PCDH15: variants seen among roughly 807,000 people sequenced by gnomAD.
PCDH15 encodes protocadherin-15.
PCDH15 carries 129 observed loss-of-function variants against 178.5 expected under a neutral mutation model. The ratio of observed to expected loss-of-function variants is 0.72; its 90% CI spans 0.63 to 0.84. The LOEUF (loss-of-function observed/expected upper bound fraction) is 0.84, where lower values mean the gene tolerates loss of function less well. Ranked by LOEUF, PCDH15 falls within the 40% of genes least tolerant of loss-of-function variation. The pLI, the probability that PCDH15 is intolerant of heterozygous loss-of-function variation, is 0.00. For missense variants in PCDH15, 2,230 were observed against 2,099.9 expected, an observed-to-expected ratio of 1.06 and a Z score of -1.21; for synonymous variants, 800 against 732.0, an observed-to-expected ratio of 1.09 and a Z score of -1.50.
chr10:55,006,272 C>T (rs921891360), intron 2 of PCDH15, among the ~76,000 whole-genome samples: 24 of 151,990 alleles, frequency 1.6e-4, no homozygotes, highest in African/African-American at 4.1e-4. Context: ...CTTCTCCCAC[C>T]GCCAACCCCA....
chr10:54,595,233 A>G lies in PCDH15; in HGVS notation c.92-67356T>C, dbSNP rs79574143. ...GTTGTGACCAGCAGTCTGAGATCACATTGACCCCTCCAGTGCAGCAGGTTC... is the reference window on the plus strand; with the variant it reads ...GTTGTGACCAGCAGTCTGAGATCACGTTGACCCCTCCAGTGCAGCAGGTTC... On this transcript the variant is annotated intron_variant, in intron 2 of 37. Coordinates refer to ENST00000644397, the MANE Select transcript of PCDH15 (RefSeq NM_001384140.1). Among the ~76,000 whole-genome samples the G allele has an allele frequency of 3.1e-3, 476 of 152,272 alleles. 6 individuals are homozygous for G. The highest frequency in any genetic ancestry group is 0.024 in the South Asian group (117 of 4,832).
chr10:54,446,135 A>G (rs947805459), intron 3 of PCDH15, among the ~76,000 whole-genome samples: 17 of 151,648 alleles, frequency 1.1e-4, no homozygotes, highest in African/African-American at 3.9e-4. Flanking sequence ...GCATTTCCAA[A>G]AACAAACTAG....
rs538445083 is a variant in PCDH15, at chr10:54,401,634, T to C, written c.158-22692A>G. On this transcript the variant is annotated intron_variant, in intron 3 of 37. Transcript: ENST00000644397. The stretch of plus-strand genomic sequence containing the variant: ...ATGAATGAAAGAAATTACAGAAATC[T>C]AAACAAAGGTATAATCTATATTAAT... 6.6e-5 allele frequency among the ~76,000 whole-genome samples: 10 copies of C among 151,918 alleles called. No individual in the cohort carries two copies. In the South Asian group the frequency reaches 8.3e-4, roughly 13 times the overall value.
rs876657950 is a variant in PCDH15, at chr10:53,806,565, T to C, written c.*14A>G. On this transcript the variant is annotated 3_prime_UTR_variant, in exon 38 of 38. Coordinates refer to ENST00000644397, the MANE Select transcript of PCDH15 (RefSeq NM_001384140.1). Reference sequence around the variant, plus strand: ...GTAAGTAAAAATTAATTAAAATATCTTTTAAAAAATTGGTCACAGTTTTGT... The same window carrying C: ...GTAAGTAAAAATTAATTAAAATATCCTTTAAAAAATTGGTCACAGTTTTGT... 1.3e-6 allele frequency: 2 copies of C among 1,553,498 alleles called. No individual in the cohort carries two copies. The highest frequency in any genetic ancestry group is 1.7e-6 in the Non-Finnish European group (2 of 1,146,176).
At chr10:53,824,175 A>G (rs778680284) in intron 32 of PCDH15, among the ~76,000 whole-genome samples, 3 of 152,136 alleles carry the variant, frequency 2.0e-5, no homozygotes, top group Non-Finnish European at 2.9e-5. Context: ...GATATCACTG[A>G]AAGGCTTACT....
intron 28 of PCDH15, among the ~76,000 whole-genome samples, chr10:53,841,275 T>G (rs1160706055): frequency 1.3e-5 from 2 of 152,116 alleles, no homozygotes; most frequent in African/African-American, 4.8e-5. Flanking sequence ...AGCATATAAT[T>G]CAGTATTTAC....
chr10:54,008,722 T>A (rs2092468406), intron 20 of PCDH15, among the ~76,000 whole-genome samples: 1 of 152,158 alleles, frequency 6.6e-6, no homozygotes. Context: ...AGCAAGTCTT[T>A]TTTTTCTCTT....
chr10:54,303,429 T>C (rs762407651), intron 8 of PCDH15, among the ~76,000 whole-genome samples: 17 of 152,048 alleles, frequency 1.1e-4, no homozygotes, highest in Non-Finnish European at 2.1e-4. Flanking sequence ...TATGTGTATA[T>C]ATATGCATAT....
intron 2 of PCDH15, among the ~76,000 whole-genome samples, chr10:54,589,211 T>A (rs1165115167): frequency 6.6e-6 from 1 of 152,216 alleles, no homozygotes; most frequent in Non-Finnish European, 1.5e-5. Context: ...CTCCTAGCAA[T>A]CTACCCTTCA....
At chr10:55,552,537 T>A (rs1268512100) in intron 2 of PCDH15, among the ~76,000 whole-genome samples, 2 of 151,480 alleles carry the variant, frequency 1.3e-5, no homozygotes, top group African/African-American at 2.4e-5. Context: ...TCAATTCCTA[T>A]CTTTGTGTTC....
At chr10:54,168,386 A>G (rs1403279060) in intron 13 of PCDH15, among the ~76,000 whole-genome samples, 1 of 151,174 alleles carries the variant, frequency 6.6e-6, no homozygotes, top group Non-Finnish European at 1.5e-5. Flanking sequence ...AGTCTTTCTA[A>G]TCTTCCTTTT....
chr10:53,990,757 T>C (rs555950150), intron 21 of PCDH15, among the ~76,000 whole-genome samples: 20 of 152,116 alleles, frequency 1.3e-4, no homozygotes, highest in Non-Finnish European at 2.9e-4. Flanking sequence ...GGAGCCCCTC[T>C]CTGGGCTGGC....
chr10:54,337,110 G>GTATA (rs3069762), intron 6 of PCDH15, among the ~76,000 whole-genome samples: 34,303 of 150,352 alleles, frequency 0.23, 3,995 homozygotes, highest in African/African-American at 0.28. Flanking sequence ...CATTTGGAAT[G>GTATA]TATATATATA....
chr10:54,475,653 A>G (rs1365553545), intron 3 of PCDH15, among the ~76,000 whole-genome samples: 1 of 151,942 alleles, frequency 6.6e-6, no homozygotes, highest in Non-Finnish European at 1.5e-5. Flanking sequence ...CATAATTAGC[A>G]GAAATAAAAA....
chr10:53,970,391 A>C (rs2089547766), intron 21 of PCDH15, among the ~76,000 whole-genome samples: 1 of 152,146 alleles, frequency 6.6e-6, no homozygotes, highest in Admixed American at 6.5e-5. Context: ...AGAGACTTAG[A>C]CTTCCACACA....
chr10:55,039,579 G>C (rs1017518498), intron 2 of PCDH15, among the ~76,000 whole-genome samples: 1 of 152,018 alleles, frequency 6.6e-6, no homozygotes, highest in Admixed American at 6.6e-5. Context: ...CAGAAGCTAT[G>C]ATTAAGACAA....
At chr10:55,155,564 T>A (rs948394141) in intron 2 of PCDH15, among the ~76,000 whole-genome samples, 9 of 151,620 alleles carry the variant, frequency 5.9e-5, no homozygotes, top group Non-Finnish European at 1.3e-4. Context: ...AAGGAAGTAC[T>A]TCAGGCTTCA....
At chr10:54,553,198 GT>G in intron 2 of PCDH15, among the ~76,000 whole-genome samples, 1 of 152,216 alleles carries the variant, frequency 6.6e-6, no homozygotes, top group African/African-American at 2.4e-5. Context: ...AGATTATCTG[GT>G]GATATATTGA....
At chr10:54,962,965 C>T (rs150878593) in intron 2 of PCDH15, among the ~76,000 whole-genome samples, 55 of 152,266 alleles carry the variant, frequency 3.6e-4, no homozygotes, top group African/African-American at 1.3e-3. Context: ...ATGAAAAATG[C>T]GTACTTGAAA....
Sources: allele counts gnomAD v4.1 joint callset (sites outside exome capture counted in the v4.1 genomes callset), GRCh38; gene constraint gnomAD v4.1.1; transcripts MANE v1.5; gene names NCBI Gene and HGNC (gene_info 2026-07-23, HGNC 2026-07-21).